The following USH2A variants were observed in gnomAD, a reference collection of about 807,000 sequenced individuals.
USH2A encodes Usher syndrome 2A (autosomal recessive, mild).
Under a neutral mutation model 538.9 loss-of-function variants are expected in USH2A, and 443 were observed. The ratio of observed to expected loss-of-function variants is 0.82; its 90% CI spans 0.76 to 0.89. The LOEUF is 0.89. Ranked by LOEUF, USH2A falls within the 40% of genes least tolerant of loss-of-function variation. The pLI is 0.00. For missense variants in USH2A, 6,633 were observed against 6,324.8 expected, an observed-to-expected ratio of 1.05 and a Z score of -1.65; for synonymous variants, 2,413 against 2,273.5, an observed-to-expected ratio of 1.06 and a Z score of -1.75.
chr1:216,109,808 G>A (rs762739539), intron 21 of USH2A, among the ~76,000 whole-genome samples: 4 of 151,848 alleles, frequency 2.6e-5, no homozygotes, highest in Non-Finnish European at 4.4e-5. Flanking sequence ...TGCATTAATC[G>A]GACCTCTGCA....
chr1:216,013,570 A>G (rs1189461153), intron 32 of USH2A, among the ~76,000 whole-genome samples: 1 of 152,184 alleles, frequency 6.6e-6, no homozygotes, highest in Non-Finnish European at 1.5e-5. Context: ...GAAAGAAGTG[A>G]AAATGGCCTG....
intron 4 of USH2A, among the ~76,000 whole-genome samples, chr1:216,337,196 A>C (rs567621674): frequency 2.0e-5 from 3 of 151,586 alleles, no homozygotes; most frequent in African/African-American, 7.2e-5. Flanking sequence ...ACAGCTAATA[A>C]CTATTGCATA....
In USH2A at chr1:215,671,248, T is replaced by C. The variant is rs373694614; in HGVS notation, c.13857A>G (p.Ser4619=). The C allele has an allele frequency of 3.5e-4, 572 of 1,614,142 alleles. 4 individuals are homozygous for C. In the South Asian group the frequency reaches 6.0e-3, roughly 17 times the overall value. The part of the protein sequence containing the change: ...IQACTTLGCA[S]SDWTFIQTPE... ...GGGTCTGTATGAATGTCCAGTCACT[T>C]GATGCACATCCCAGGGTGGTGCACG... The change falls in exon 64 of 72, where the codon TCA becomes TCG. Residue 4619 remains serine, a synonymous_variant. Coordinates refer to ENST00000307340, the MANE Select transcript of USH2A (RefSeq NM_206933.4).
chr1:215,940,349 A>C (rs1394501722), intron 37 of USH2A, among the ~76,000 whole-genome samples: 1 of 152,122 alleles, frequency 6.6e-6, no homozygotes, highest in Non-Finnish European at 1.5e-5. Flanking sequence ...AAACTGGCAA[A>C]ATCAGCCTTT....
Position 215,648,675 on chromosome 1 carries a change from T to C in USH2A, c.14435A>G (p.Asn4812Ser). ...SIGVEACTCF[N>S]CCSKGPTAEL... ...AGCTGTCGGTCCTTTGCTGCAACAGTTGAAGCAGGTGCAGGCCTCTACTCC... is the reference window on the plus strand; with the variant it reads ...AGCTGTCGGTCCTTTGCTGCAACAGCTGAAGCAGGTGCAGGCCTCTACTCC... The change falls in exon 66 of 72, where the codon AAC (asparagine) becomes AGC (serine). Residue 4812 changes from asparagine to serine, a missense_variant. Asn to Ser is a conservative substitution (Grantham distance 46). Coordinates refer to ENST00000307340, the MANE Select transcript of USH2A (RefSeq NM_206933.4). 1 of 1,614,140 alleles carries C rather than the reference T, an allele frequency of 6.2e-7. No homozygotes were observed. The highest frequency in any genetic ancestry group is 8.5e-7 in the Non-Finnish European group (1 of 1,180,012).
intron 38 of USH2A, among the ~76,000 whole-genome samples, chr1:215,928,460 T>C (rs1188771950): frequency 6.6e-6 from 1 of 152,140 alleles, no homozygotes; most frequent in African/African-American, 2.4e-5. Flanking sequence ...GTATCTGTAA[T>C]ACTTGCATGT....
intron 44 of USH2A, among the ~76,000 whole-genome samples, chr1:215,846,457 A>G (rs907925903): frequency 1.3e-5 from 2 of 152,012 alleles, no homozygotes; most frequent in African/African-American, 4.8e-5. Flanking sequence ...CAAGTGATTC[A>G]CCCACCTCAG....
At chr1:216,030,553 A>G (rs1669097044) in intron 32 of USH2A, among the ~76,000 whole-genome samples, 2 of 142,362 alleles carry the variant, frequency 1.4e-5, no homozygotes, top group Non-Finnish European at 3.0e-5. Context: ...ATATATAGAT[A>G]TATATCACAG....
intron 61 of USH2A, among the ~76,000 whole-genome samples, chr1:215,723,937 T>A (rs1389982703): frequency 6.6e-6 from 1 of 152,142 alleles, no homozygotes; most frequent in Non-Finnish European, 1.5e-5. Context: ...ACTGGGCATC[T>A]ACCCAAAGGA....
intron 58 of USH2A, among the ~76,000 whole-genome samples, chr1:215,746,561 G>A (rs769215783): frequency 1.9e-4 from 29 of 152,030 alleles, no homozygotes; most frequent in Non-Finnish European, 2.4e-4. Flanking sequence ...GTTGTCACTC[G>A]CTGACTTGCC....
chr1:215,934,698 G>T lies in USH2A; in HGVS notation c.7218C>A (p.Thr2406=), dbSNP rs372817698. 17 of 1,612,708 alleles carry T rather than the reference G, an allele frequency of 1.1e-5. No homozygotes were observed. The highest frequency in any genetic ancestry group is 1.4e-5 in the Non-Finnish European group (16 of 1,179,142). Reference sequence around the variant, plus strand: ...AAATATTCACTTGTACAGTATAGTTGGTAAAAGGAACCAGCCCATCGATGA... The same window carrying T: ...AAATATTCACTTGTACAGTATAGTTTGTAAAAGGAACCAGCCCATCGATGA... ...WVLIDGLVPF[T]NYTVQVNISN... Residue 2406 remains threonine (T), a synonymous_variant, in exon 38 of 72, where the codon ACC becomes ACA. Transcript: ENST00000307340.
intron 47 of USH2A, among the ~76,000 whole-genome samples, chr1:215,833,229 T>C (rs181665267): frequency 7.0e-4 from 106 of 151,998 alleles, no homozygotes; most frequent in Admixed American, 1.4e-3. Flanking sequence ...ACAGGCAAAG[T>C]AGTGAGAAAG....
chr1:216,360,352 G>A (rs554295381), intron 4 of USH2A, among the ~76,000 whole-genome samples: 2 of 152,018 alleles, frequency 1.3e-5, no homozygotes, highest in African/African-American at 4.8e-5. Flanking sequence ...TTCTAGAAAA[G>A]GTGAAAATAC....
intron 3 of USH2A, among the ~76,000 whole-genome samples, chr1:216,375,063 T>C (rs2038793118): frequency 6.6e-6 from 1 of 152,102 alleles, no homozygotes; most frequent in Admixed American, 6.6e-5. Flanking sequence ...TACTACTAGA[T>C]AGATAGATTA....
chr1:215,760,211 A>G (rs529482462), intron 56 of USH2A, among the ~76,000 whole-genome samples: 3 of 152,276 alleles, frequency 2.0e-5, no homozygotes, highest in African/African-American at 4.8e-5. Flanking sequence ...GAATTATACA[A>G]TTCAACAAAT....
chr1:216,149,960 C>T (rs921134521), intron 21 of USH2A, among the ~76,000 whole-genome samples: 11 of 152,098 alleles, frequency 7.2e-5, no homozygotes, highest in African/African-American at 2.4e-4. Context: ...TACTCTCCCC[C>T]ACTTCCCTTA....
chr1:215,760,086 G>T (rs975630701), intron 56 of USH2A, among the ~76,000 whole-genome samples: 1 of 152,164 alleles, frequency 6.6e-6, no homozygotes, highest in African/African-American at 2.4e-5. Flanking sequence ...CTCTGCCTTG[G>T]TTGTCACTCT....
At chr1:216,144,506 T>C (rs1407249350) in intron 21 of USH2A, among the ~76,000 whole-genome samples, 1 of 152,114 alleles carries the variant, frequency 6.6e-6, no homozygotes. Flanking sequence ...GAAAATATGA[T>C]TGTTCAGCTA....
At chr1:216,179,995 C>G (rs2102645642) in intron 20 of USH2A, among the ~76,000 whole-genome samples, 1 of 152,110 alleles carries the variant, frequency 6.6e-6, no homozygotes, top group East Asian at 1.9e-4. Flanking sequence ...TCCCACTTTC[C>G]CATCTGCAAC....
Sources: allele counts gnomAD v4.1 joint callset (sites outside exome capture counted in the v4.1 genomes callset), GRCh38; gene constraint gnomAD v4.1.1; transcripts MANE v1.5; gene names NCBI Gene and HGNC (gene_info 2026-07-23, HGNC 2026-07-21).